Variants in SMYD3 observed in about 807,000 individuals in gnomAD.
The protein encoded by SMYD3 is SET and MYND domain containing 3.
Under a neutral mutation model 57.7 loss-of-function variants are expected in SMYD3, and 36 were observed. The observed-to-expected ratio is 0.62, with a 90% CI of 0.48 to 0.82. The LOEUF is 0.82. Among genes scored for constraint, SMYD3 ranks in the 40% least tolerant of loss-of-function variants. The pLI is 0.00. For synonymous variants in SMYD3, 211 were observed against 195.0 expected (o/e 1.08, Z -0.68); for missense variants, 515 against 538.8 (o/e 0.96, Z 0.44).
At chr1:246,441,602 T>C (rs2067471473) in intron 1 of SMYD3, among the ~76,000 whole-genome samples, 1 of 152,086 alleles carries the variant, frequency 6.6e-6, no homozygotes, top group Admixed American at 6.5e-5. Flanking sequence ...ATGCCTATAT[T>C]TCTTTCTTTC....
intron 1 of SMYD3, among the ~76,000 whole-genome samples, chr1:246,463,678 A>AAC (rs1490761687): frequency 2.0e-5 from 3 of 149,340 alleles, no homozygotes; most frequent in African/African-American, 7.3e-5. Flanking sequence ...AAAAAAAAAA[A>AAC]AAAAAACATT....
At chr1:245,936,336 GA>G (rs1193377405) in intron 5 of SMYD3, among the ~76,000 whole-genome samples, 1 of 150,744 alleles carries the variant, frequency 6.6e-6, no homozygotes, top group African/African-American at 2.4e-5. Context: ...ATGTTAGGAG[GA>G]GAACATACAC....
At position 245,835,122 on chromosome 1, in the gene SMYD3, C is replaced by CTTTT. The variant is rs11449373; in HGVS notation, c.1076+23370_1076+23373dup. The stretch of plus-strand genomic sequence containing the variant: ...AATCCTAGTTCCTGGGGCAGGTTTC[C>CTTTT]TTTTTTTTTTTTTTTTGAGAGGGAG... On this transcript the variant is annotated intron_variant, in intron 10 of 11. Coordinates refer to ENST00000490107, the MANE Select transcript of SMYD3 (RefSeq NM_001167740.2). Among the ~76,000 whole-genome samples, 990 of 134,018 alleles carry CTTTT rather than the reference C, an allele frequency of 7.4e-3. 17 individuals are homozygous for CTTTT. Among genetic ancestry groups the CTTTT allele is most frequent in the Admixed American group, 0.014 (184 of 13,118 alleles). The allele number at this position is 134,018 out of a possible 152,430, so 87.9% of individuals were successfully genotyped here. A position where few individuals can be genotyped will look rare whatever the true frequency, so the allele number is the denominator to read the frequency against.
At chr1:246,293,932 C>T (rs184568732) in intron 5 of SMYD3, among the ~76,000 whole-genome samples, 4 of 152,274 alleles carry the variant, frequency 2.6e-5, no homozygotes, top group African/African-American at 7.2e-5. Context: ...TCAGTCCTCA[C>T]GTTAACTGAC....
At chr1:246,097,879 T>A (rs1398940770) in intron 5 of SMYD3, among the ~76,000 whole-genome samples, 1 of 152,216 alleles carries the variant, frequency 6.6e-6, no homozygotes, top group Non-Finnish European at 1.5e-5. Context: ...CCCAAGTATA[T>A]TTCTGTGATT....
intron 8 of SMYD3, among the ~76,000 whole-genome samples, chr1:245,888,506 C>A (rs1050646671): frequency 2.0e-5 from 3 of 152,134 alleles, no homozygotes; most frequent in Admixed American, 2.0e-4. Context: ...GAGCACTGCC[C>A]CAGAATTATG....
intron 5 of SMYD3, among the ~76,000 whole-genome samples, chr1:245,986,929 T>C (rs1467497876): frequency 6.6e-6 from 1 of 152,246 alleles, no homozygotes; most frequent in African/African-American, 2.4e-5. Flanking sequence ...TAAAACTTGA[T>C]GAACATATTT....
intron 10 of SMYD3, among the ~76,000 whole-genome samples, chr1:245,848,120 G>A (rs1379623268): frequency 6.8e-6 from 1 of 146,264 alleles, no homozygotes; most frequent in African/African-American, 2.5e-5. Context: ...TTTTTTTGGA[G>A]ACAGGGTCTC....
At chr1:245,878,516 C>T (rs1037161706) in intron 8 of SMYD3, among the ~76,000 whole-genome samples, 1 of 152,196 alleles carries the variant, frequency 6.6e-6, no homozygotes, top group African/African-American at 2.4e-5. Context: ...ATCTGGAAGT[C>T]AGCAGGGTGG....
intron 8 of SMYD3, among the ~76,000 whole-genome samples, chr1:245,879,994 G>A (rs1347946826): frequency 1.3e-5 from 2 of 151,662 alleles, no homozygotes; most frequent in Non-Finnish European, 2.9e-5. Context: ...GTACACACCA[G>A]AGATAGCACA....
chr1:246,107,027 C>T lies in SMYD3; in HGVS notation c.532-177090G>A, dbSNP rs574834880. Among the ~76,000 whole-genome samples the T allele has an allele frequency of 2.2e-4, 34 of 152,048 alleles. 2 individuals are homozygous for T. The South Asian group carries it at 6.9e-3, about 31-fold the overall frequency. On this transcript the variant is annotated intron_variant, in intron 5 of 11. Coordinates refer to ENST00000490107, the MANE Select transcript of SMYD3 (RefSeq NM_001167740.2). Reference sequence around the variant, plus strand: ...TAAAAAGAATTTTGAAGGCCGGGCACGGTGGCTCACGCCTGTAATCCCAGC... The same window carrying T: ...TAAAAAGAATTTTGAAGGCCGGGCATGGTGGCTCACGCCTGTAATCCCAGC...
intron 2 of SMYD3, among the ~76,000 whole-genome samples, chr1:246,348,077 T>TATATATATATATATATATGTATAC: frequency 1.2e-5 from 1 of 86,488 alleles, no homozygotes; most frequent in African/African-American, 4.0e-5. Flanking sequence ...TATATATATA[T>TATATATATATATATATATGTATAC]ACACACACAC....
intron 5 of SMYD3, among the ~76,000 whole-genome samples, chr1:245,954,625 C>T (rs991299800): frequency 2.7e-5 from 4 of 148,338 alleles, no homozygotes; most frequent in African/African-American, 1.1e-4. Context: ...TTGCAGTGAG[C>T]CAATATAGCA....
chr1:245,998,067 G>A (rs2058967475), intron 5 of SMYD3, among the ~76,000 whole-genome samples: 1 of 152,200 alleles, frequency 6.6e-6, no homozygotes, highest in Non-Finnish European at 1.5e-5. Flanking sequence ...GCTGGACCAG[G>A]ACCAGGGCCT....
chr1:246,102,838 T>G (rs1432246269), intron 5 of SMYD3, among the ~76,000 whole-genome samples: 1 of 152,090 alleles, frequency 6.6e-6, no homozygotes, highest in Non-Finnish European at 1.5e-5. Flanking sequence ...TGAGCTATGA[T>G]CATACAAGTG....
chr1:245,861,768 T>C (rs1433444457), intron 9 of SMYD3, among the ~76,000 whole-genome samples: 3 of 152,222 alleles, frequency 2.0e-5, no homozygotes, highest in Non-Finnish European at 2.9e-5. Flanking sequence ...AAGTTGACTA[T>C]TGTGTCTTTG....
At chr1:245,767,911 T>C (rs1420929938) in intron 10 of SMYD3, among the ~76,000 whole-genome samples, 2 of 151,786 alleles carry the variant, frequency 1.3e-5, no homozygotes, top group Admixed American at 6.6e-5. Context: ...ACCAAGAAAA[T>C]TGGAAAACAG....
chr1:245,841,958 T>C (rs1370398588), intron 10 of SMYD3, among the ~76,000 whole-genome samples: 1 of 152,198 alleles, frequency 6.6e-6, no homozygotes, highest in Non-Finnish European at 1.5e-5. Context: ...TTTTATGACA[T>C]ATTTTTGCCC....
intron 5 of SMYD3, among the ~76,000 whole-genome samples, chr1:246,228,482 T>G (rs2063363823): frequency 6.6e-6 from 1 of 152,208 alleles, no homozygotes; most frequent in Non-Finnish European, 1.5e-5. Context: ...AAGTATCTGG[T>G]TCTGATTTCC....
Sources: allele counts gnomAD v4.1 joint callset (sites outside exome capture counted in the v4.1 genomes callset), GRCh38; gene constraint gnomAD v4.1.1; transcripts MANE v1.5; gene names NCBI Gene and HGNC (gene_info 2026-07-23, HGNC 2026-07-21).